The following NFRKB variants were observed in gnomAD, a reference collection of about 807,000 sequenced individuals.
NFRKB encodes the protein nuclear factor related to kappaB binding protein.
NFRKB carries 62 observed loss-of-function variants against 135.7 expected under a neutral mutation model. The observed-to-expected ratio is 0.46, with a 90% confidence interval of 0.37 to 0.56. The LOEUF is 0.56. Among genes scored for constraint, NFRKB ranks in the 20% least tolerant of loss-of-function variants. NFRKB has a pLI of 0.00. For synonymous variants in NFRKB, 678 were observed against 635.6 expected, an observed-to-expected ratio of 1.07 and a Z score of -1.00; for missense variants, 1,545 against 1,662.0, an observed-to-expected ratio of 0.93 and a Z score of 1.22.
Position 129,883,995 on chromosome 11 carries a change from C to T in NFRKB, c.816+75G>A, listed in dbSNP as rs535825020. ...ACATACAGACGAGGCAGTGATGCCC[C>T]GTGTCTTCCTCAGGACAGCCAATCC... On this transcript the variant is annotated intron_variant, in intron 8 of 26. Coordinates refer to ENST00000682444, the MANE Select transcript of NFRKB (RefSeq NM_001143835.2). 1.4e-4 allele frequency: 211 copies of T among 1,465,630 alleles called. 1 individual carries two copies. In the African/African-American group the frequency reaches 2.6e-3, roughly 18 times the overall value. The allele number at this position is 1,465,630 out of a possible 1,614,324, so 90.8% of individuals were successfully genotyped here.
In NFRKB at chr11:129,892,725, A is replaced by T; in HGVS notation, c.125T>A (p.Leu42His). 2 of 1,613,842 alleles carry T rather than the reference A, an allele frequency of 1.2e-6. No homozygotes were observed. Among genetic ancestry groups the T allele is most frequent in the Non-Finnish European group, 1.7e-6 (2 of 1,180,030 alleles). Reference protein sequence around the residue: ...GGTRVSLPEDLLEDPEIFFDV... With the variant: ...GGTRVSLPEDHLEDPEIFFDV... ...CGTGTTACTACTCACATCCTCCAGA[A>T]GGTCCTCGGGCAGACTAACTCTGGT... is the stretch of plus-strand genomic sequence containing the variant. The change falls in exon 3 of 27, where the codon CTT becomes CAT. Residue 42 changes from leucine to histidine, a missense_variant. Leu to His is a moderately conservative substitution (Grantham distance 99). Around this residue, in one of 3 missense-constraint regions of NFRKB, gnomAD observed 678 missense variants for 646.7 expected, o/e 1.05. Coordinates refer to ENST00000682444, the MANE Select transcript of NFRKB (RefSeq NM_001143835.2).
rs1441568913 is a variant in NFRKB at position 129,884,066 on chromosome 11, T to C, written c.816+4A>G. On this transcript the variant is annotated splice_donor_region_variant and intron_variant, in intron 8 of 26. Coordinates refer to ENST00000682444, the MANE Select transcript of NFRKB (RefSeq NM_001143835.2). The stretch of plus-strand genomic sequence containing the variant: ...CACACGGCCGCACGCCCTTCCCATC[T>C]TACTGGCTGATGTTTCCGCTTCTCG... 1 of 1,614,210 alleles carries C rather than the reference T, an allele frequency of 6.2e-7. No homozygotes were observed. Among genetic ancestry groups the C allele is most frequent in the South Asian group, 1.1e-5 (1 of 91,088 alleles).
rs1565396540 is a variant in NFRKB at position 129,872,943 on chromosome 11, G to A, written c.2704C>T (p.Pro902Ser). The A allele has an allele frequency of 6.2e-7, 1 of 1,614,138 alleles. No homozygotes were observed. Among genetic ancestry groups the A allele is most frequent in the East Asian group, 2.2e-5 (1 of 44,870 alleles). Residue 902 changes from proline to serine, a missense_variant, in exon 23 of 27, where the codon CCC (proline) becomes TCC (serine). By Grantham distance (74) the Pro-to-Ser change is moderately conservative. Around this residue, in one of 3 missense-constraint regions of NFRKB, gnomAD observed 753 missense variants for 804.3 expected, o/e 0.94. Transcript: ENST00000682444. The stretch of plus-strand genomic sequence containing the variant: ...ATGACGGCAGCCGTGGAGGCACTGG[G>A]AGCAGAGGTCCCAGGAGAACTCGTG... ...PATSSPGTSA[P>S]SASTAAVIQN...
Position 129,884,809 on chromosome 11 carries a change from A to G in NFRKB, c.678T>C (p.Ser226=), listed in dbSNP as rs1259136668. Residue 226 remains serine, a synonymous_variant, in exon 7 of 27, where the codon TCT becomes TCC. Transcript: ENST00000682444. Reference sequence around the variant, plus strand: ...CCCGCAGGGGCACCGCAGGACTAGGAGAACGTGCTGGAGAGCTCGGAAGCC... The same window carrying G: ...CCCGCAGGGGCACCGCAGGACTAGGGGAACGTGCTGGAGAGCTCGGAAGCC... The part of the protein sequence containing the change: ...SSWLPSSPAR[S]PSPAVPLRVV... 6.2e-7 allele frequency: 1 copy of G among 1,614,202 alleles called. No individual in the cohort carries two copies. Among genetic ancestry groups the G allele is most frequent in the Non-Finnish European group, 8.5e-7 (1 of 1,180,044 alleles).
Position 129,874,239 on chromosome 11 carries a change from G to T in NFRKB, c.2153C>A (p.Thr718Asn), listed in dbSNP as rs778833680. 1 of 1,518,336 alleles carries T rather than the reference G, an allele frequency of 6.6e-7. No homozygotes were observed. Among genetic ancestry groups the T allele is most frequent in the East Asian group, 2.3e-5 (1 of 44,074 alleles). 94.1% of individuals were successfully genotyped at this position (1,518,336 alleles called of 1,614,324 possible). A position where few individuals can be genotyped will look rare whatever the true frequency, so the allele number is the denominator to read the frequency against. The change falls in exon 21 of 27, where the codon ACC becomes AAC. Residue 718 changes from threonine to asparagine, a missense_variant. Thr to Asn is a moderately conservative substitution (Grantham distance 65). Transcript: ENST00000682444. The surrounding 1 kb of genome is among the most constrained non-coding windows in gnomAD (Gnocchi z 4.5). Reference protein sequence around the residue: ...MSLSDSSMPPTPVTPVTPTTP... With the variant: ...MSLSDSSMPPNPVTPVTPTTP... ...GGTGGGGGTTACAGGTGTGACTGGG[G>T]TGGGTGGCATACTGGAGTCACTGAG...
In NFRKB at chr11:129,888,619, C is replaced by T. The variant is rs935541075; in HGVS notation, c.312G>A (p.Leu104=). The T allele has an allele frequency of 4.3e-6, 7 of 1,614,156 alleles. No individual in the cohort carries two copies. The highest frequency in any genetic ancestry group is 2.2e-5 in the South Asian group (2 of 91,080). Residue 104 remains leucine, a synonymous_variant, in exon 4 of 27, where the codon CTG becomes CTA. Transcript: ENST00000682444. Reference sequence around the variant, plus strand: ...CTCGGAAAAGCTTCTGGGCAATGTGCAGAGGGTTTCCAAAGCGGAAGTTCT... The same window carrying T: ...CTCGGAAAAGCTTCTGGGCAATGTGTAGAGGGTTTCCAAAGCGGAAGTTCT... ...SGENFRFGNP[L]HIAQKLFRDG...
rs746267160 is a variant in NFRKB at position 129,874,363 on chromosome 11, G to C, written c.2059-30C>G. The C allele has an allele frequency of 2.0e-6, 3 of 1,519,508 alleles. No homozygotes were observed. Among genetic ancestry groups the C allele is most frequent in the Admixed American group, 2.3e-5 (1 of 43,808 alleles). 94.1% of individuals were successfully genotyped at this position (1,519,508 alleles called of 1,614,324 possible). A position where few individuals can be genotyped will look rare whatever the true frequency, so the allele number is the denominator to read the frequency against. Reference sequence around the variant, plus strand: ...AACGGAAGACAAAGAAAACTCACCTGGTGTCGTGAAGATCCCCCTAAAGGA... The same window carrying C: ...AACGGAAGACAAAGAAAACTCACCTCGTGTCGTGAAGATCCCCCTAAAGGA... On this transcript the variant is annotated intron_variant, in intron 20 of 26. Transcript: ENST00000682444. The surrounding 1 kb of genome is among the most constrained non-coding windows in gnomAD (Gnocchi z 4.5).
At chr11:129,883,615 TAGA>T (rs1949131266) in intron 8 of NFRKB, among the ~76,000 whole-genome samples, 1 of 152,216 alleles carries the variant, frequency 6.6e-6, no homozygotes, top group African/African-American at 2.4e-5. Flanking sequence ...CTCCTAGTCT[TAGA>T]AGGACTGTCT....
At chr11:129,865,821 C>T in intron 25 of NFRKB, 56 bp downstream of exon 25, 1 of 1,531,368 alleles carries the variant, frequency 6.5e-7, no homozygotes, top group Non-Finnish European at 9.0e-7. Flanking sequence ...GACTGGTAAG[C>T]CCTGCCTGCC....
chr11:129,868,771 G>A (rs952466549), intron 24 of NFRKB, among the ~76,000 whole-genome samples: 1 of 152,208 alleles, frequency 6.6e-6, no homozygotes, highest in African/African-American at 2.4e-5. Context: ...ACTCACGCCT[G>A]TAATCCCAGC....
chr11:129,887,500 G>A (rs980988360), intron 4 of NFRKB, among the ~76,000 whole-genome samples: 2 of 152,112 alleles, frequency 1.3e-5, no homozygotes, highest in Non-Finnish European at 2.9e-5. Flanking sequence ...TATTCCTGCC[G>A]AAAGCCTTTA....
In NFRKB at chr11:129,885,626, TG is replaced by T; in HGVS notation, c.466-18del. 6.3e-7 allele frequency: 1 copy of T among 1,595,694 alleles called. No homozygotes were observed. The highest frequency in any genetic ancestry group is 8.6e-7 in the Non-Finnish European group (1 of 1,167,434). ...CAGCAGATCCTAGGTAGAGATCAGG[TG>T]GGGGTACAAGTCATCATCCAAGACC... is the stretch of plus-strand genomic sequence containing the variant. On this transcript the variant is annotated intron_variant, in intron 5 of 26. Coordinates refer to ENST00000682444, the MANE Select transcript of NFRKB (RefSeq NM_001143835.2).
At chr11:129,875,950 T>A (rs1318187816) in intron 17 of NFRKB, among the ~76,000 whole-genome samples, 1 of 152,130 alleles carries the variant, frequency 6.6e-6, no homozygotes, top group Admixed American at 6.6e-5. Flanking sequence ...AGCCATCGCA[T>A]CCAGCCCTTA....
rs113467845 is a variant in NFRKB, at chr11:129,867,594, G to C, written c.3532-1611C>G. 1.7e-3 allele frequency among the ~76,000 whole-genome samples: 258 copies of C among 152,258 alleles called. 1 individual carries two copies. Among genetic ancestry groups the C allele is most frequent in the African/African-American group, 5.8e-3 (243 of 41,548 alleles). On this transcript the variant is annotated intron_variant, in intron 24 of 26. Transcript: ENST00000682444. ...GGCCTCCCAAAGTGCTGGGATTACAGGTGTGAGACACTGCGCCTGACCAAC... is the reference window on the plus strand; with the variant it reads ...GGCCTCCCAAAGTGCTGGGATTACACGTGTGAGACACTGCGCCTGACCAAC...
intron 4 of NFRKB, 50 bp from the exon 5 acceptor site, chr11:129,886,494 CATCA>C (rs1351488088): frequency 6.6e-7 from 1 of 1,523,362 alleles, no homozygotes; most frequent in South Asian, 1.1e-5. Context: ...AAATATACAT[CATCA>C]GTCAACAAAT....
At chr11:129,872,612 A>G (rs927459727) in intron 23 of NFRKB, 8 of 284,998 alleles carry the variant, frequency 2.8e-5, no homozygotes, top group African/African-American at 1.5e-4. Context: ...ATTTCACTAA[A>G]TAAACTCATG....
In NFRKB at chr11:129,869,511, C is replaced by T; in HGVS notation, c.3514G>A (p.Val1172Met). ...TTACTCACAGCCTGGGACGTGGACA[C>T]AACCGTGGTGCTGACAGGGACCTGC... ...VRQVPVSTTV[V>M]STSQAGKLPT... is the part of the protein sequence containing the mutation. The change falls in exon 24 of 27, where the codon GTG becomes ATG. Residue 1172 changes from valine (V) to methionine (M), a missense_variant. Physicochemically the swap from Val to Met is conservative, Grantham distance 21 (BLOSUM62 1). Transcript: ENST00000682444. The T allele has an allele frequency of 1.2e-6, 2 of 1,611,256 alleles. No individual in the cohort carries two copies. The highest frequency in any genetic ancestry group is 8.5e-7 in the Non-Finnish European group (1 of 1,179,774).
chr11:129,873,643 C>A lies in NFRKB; in HGVS notation c.2550+102G>T, dbSNP rs112320106. 2.9e-4 allele frequency: 428 copies of A among 1,467,888 alleles called. 1 individual carries two copies. The African/African-American group carries it at 5.3e-3, about 18-fold the overall frequency. The allele number at this position is 1,467,888 out of a possible 1,614,324, so 90.9% of individuals were successfully genotyped here. On this transcript the variant is annotated intron_variant, in intron 22 of 26. Coordinates refer to ENST00000682444, the MANE Select transcript of NFRKB (RefSeq NM_001143835.2). ...GAATGTCATCACCAGTAGCAATAAT[C>A]TATGGCTCCCCAGTCCTTACCCAGA... is the stretch of plus-strand genomic sequence containing the variant.
chr11:129,872,240 G>C (rs1286258895), intron 23 of NFRKB, among the ~76,000 whole-genome samples: 1 of 152,114 alleles, frequency 6.6e-6, no homozygotes, highest in Non-Finnish European at 1.5e-5. Context: ...AGTTCCGCGA[G>C]GGCAAGGACT....
Sources: allele counts gnomAD v4.1 joint callset (sites outside exome capture counted in the v4.1 genomes callset), GRCh38; gene constraint gnomAD v4.1.1; regional missense constraint gnomAD v4.1.1; non-coding constraint Gnocchi (gnomAD v3.1); transcripts MANE v1.5; gene names NCBI Gene and HGNC (gene_info 2026-07-23, HGNC 2026-07-21).